Variants in RAPGEF5 observed in about 807,000 individuals in gnomAD.
RAPGEF5 encodes M-Ras-regulated GEF.
Under a neutral mutation model 125.2 loss-of-function variants are expected in RAPGEF5, and 65 were observed. That is an observed-to-expected ratio of 0.52 (90% CI 0.43 to 0.64). The LOEUF is 0.64. RAPGEF5 is among the 30% of genes least tolerant of loss of function. RAPGEF5 has a pLI of 0.00. For synonymous variants in RAPGEF5, 391 were observed against 385.9 expected, an observed-to-expected ratio of 1.01 and a Z score of -0.16; for missense variants, 958 against 1,048.1, an observed-to-expected ratio of 0.91 and a Z score of 1.19.
At chr7:22,302,934 A>C (rs1783246080) in intron 5 of RAPGEF5, among the ~76,000 whole-genome samples, 4 of 152,082 alleles carry the variant, frequency 2.6e-5, no homozygotes, top group Admixed American at 6.5e-5. Flanking sequence ...TCACAGCATA[A>C]ATGTTAACTA....
At chr7:22,125,469 T>C (rs1782708660) in intron 25 of RAPGEF5, 135 bp downstream of exon 25, 1 of 781,250 alleles carries the variant, frequency 1.3e-6, no homozygotes, top group African/African-American at 1.7e-5. Context: ...ATCTACTATA[T>C]ATATACAATA....
chr7:22,262,513 T>C (rs1733152393), intron 7 of RAPGEF5, among the ~76,000 whole-genome samples: 1 of 152,222 alleles, frequency 6.6e-6, no homozygotes, highest in Non-Finnish European at 1.5e-5. Flanking sequence ...CTGTGAAAGA[T>C]AGTTTAGCTG....
chr7:22,135,407 T>C lies in RAPGEF5; in HGVS notation c.2416+631A>G, dbSNP rs977863620. Reference sequence around the variant, plus strand: ...TTTCCTTTTATTAATCCCCTTGGTTTGAAAGAGAGATCACTGAAATCTCAT... The same window carrying C: ...TTTCCTTTTATTAATCCCCTTGGTTCGAAAGAGAGATCACTGAAATCTCAT... On this transcript the variant is annotated intron_variant, in intron 23 of 25. Transcript: ENST00000665637. 2.0e-5 allele frequency among the ~76,000 whole-genome samples: 3 copies of C among 152,212 alleles called. No individual in the cohort carries two copies. The East Asian group carries it at 5.8e-4, about 29-fold the overall frequency.
chr7:22,191,210 A>G (rs1784986135), intron 11 of RAPGEF5, among the ~76,000 whole-genome samples: 1 of 152,100 alleles, frequency 6.6e-6, no homozygotes, highest in Non-Finnish European at 1.5e-5. Context: ...TTTGCACATG[A>G]CATTTATTTT....
chr7:22,186,971 A>G (rs1439089648), intron 11 of RAPGEF5, among the ~76,000 whole-genome samples: 1 of 152,228 alleles, frequency 6.6e-6, no homozygotes, highest in African/African-American at 2.4e-5. Flanking sequence ...AGGAACTTAA[A>G]AAGTTTCCCA....
intron 7 of RAPGEF5, among the ~76,000 whole-genome samples, chr7:22,249,498 T>C (rs760288083): frequency 8.5e-5 from 13 of 152,150 alleles, no homozygotes; most frequent in Non-Finnish European, 1.8e-4. Context: ...CCTTATCCTT[T>C]AAACTAGTGC....
At chr7:22,301,086 T>C (rs1009917318) in intron 5 of RAPGEF5, among the ~76,000 whole-genome samples, 5 of 152,246 alleles carry the variant, frequency 3.3e-5, no homozygotes, top group Admixed American at 1.3e-4. Context: ...ATAATTTGCC[T>C]GCTTTTGTTT....
chr7:22,318,064 A>G, intron 1 of RAPGEF5, 27 bp from the exon 2 acceptor site: 1 of 1,514,264 alleles, frequency 6.6e-7, no homozygotes, highest in Non-Finnish European at 8.8e-7. Context: ...AAAAAAAAAT[A>G]GTTAGAACCA....
At chr7:22,245,655 C>T (rs149166874) in intron 7 of RAPGEF5, among the ~76,000 whole-genome samples, 1 of 152,186 alleles carries the variant, frequency 6.6e-6, no homozygotes, top group Non-Finnish European at 1.5e-5. Flanking sequence ...TGAATTTCCA[C>T]ATAAACTGAG....
At chr7:22,181,413 T>A (rs890730821) in intron 11 of RAPGEF5, among the ~76,000 whole-genome samples, 1 of 152,196 alleles carries the variant, frequency 6.6e-6, no homozygotes, top group Non-Finnish European at 1.5e-5. Flanking sequence ...TCCAGCCAGG[T>A]ATGCAATGGA....
chr7:22,316,645 CA>C (rs1210053502), intron 2 of RAPGEF5, among the ~76,000 whole-genome samples: 1 of 151,192 alleles, frequency 6.6e-6, no homozygotes, highest in Non-Finnish European at 1.5e-5. Flanking sequence ...CACACACCAT[CA>C]AGCCCAGCTA....
At chr7:22,138,152 G>T (rs1280770849) in intron 21 of RAPGEF5, among the ~76,000 whole-genome samples, 1 of 152,028 alleles carries the variant, frequency 6.6e-6, no homozygotes, top group Non-Finnish European at 1.5e-5. Flanking sequence ...TTAGTCTGTG[G>T]GACATCCCTC....
intron 1 of RAPGEF5, among the ~76,000 whole-genome samples, chr7:22,327,942 G>GAAC (rs1354344717): frequency 6.6e-6 from 1 of 152,192 alleles, no homozygotes; most frequent in Non-Finnish European, 1.5e-5. Context: ...AAAGAGCTTA[G>GAAC]AACAGCACCT....
chr7:22,210,770 AACAT>A (rs1320389076), intron 9 of RAPGEF5, among the ~76,000 whole-genome samples: 2 of 152,190 alleles, frequency 1.3e-5, no homozygotes, highest in African/African-American at 4.8e-5. Flanking sequence ...GCCATAAATG[AACAT>A]ACATGCCACA....
chr7:22,224,541 T>C (rs1241952346), intron 8 of RAPGEF5, among the ~76,000 whole-genome samples: 1 of 152,160 alleles, frequency 6.6e-6, no homozygotes, highest in African/African-American at 2.4e-5. Context: ...AATGCCAACC[T>C]GGAAACCTGT....
At chr7:22,170,170 TCA>T in intron 11 of RAPGEF5, among the ~76,000 whole-genome samples, 1 of 152,190 alleles carries the variant, frequency 6.6e-6, no homozygotes, top group Non-Finnish European at 1.5e-5. Context: ...TTCTTGTGCC[TCA>T]GCCTCCCAAG....
intron 9 of RAPGEF5, among the ~76,000 whole-genome samples, chr7:22,195,725 C>A (rs930631391): frequency 2.0e-4 from 30 of 151,862 alleles, no homozygotes; most frequent in African/African-American, 6.5e-4. Flanking sequence ...ACCAAAAAAA[C>A]CCCCCAAAAA....
At chr7:22,245,935 A>G (rs982291145) in intron 7 of RAPGEF5, among the ~76,000 whole-genome samples, 2 of 152,152 alleles carry the variant, frequency 1.3e-5, no homozygotes, top group Non-Finnish European at 2.9e-5. Context: ...TACACCAATA[A>G]TGTTCAGGAA....
At position 22,296,870 on chromosome 7, in the gene RAPGEF5, G is replaced by T. The variant is rs560331836; in HGVS notation, c.681-5629C>A. Reference sequence around the variant, plus strand: ...ATCCCAGGGGCCAAGTGGAAAAACTGCTTCCAGGACATGATCAATTGTGCC... The same window carrying T: ...ATCCCAGGGGCCAAGTGGAAAAACTTCTTCCAGGACATGATCAATTGTGCC... On this transcript the variant is annotated intron_variant, in intron 5 of 25. Transcript: ENST00000665637. Among the ~76,000 whole-genome samples the T allele has an allele frequency of 3.9e-5, 6 of 152,296 alleles. No homozygotes were observed. The East Asian group carries it at 1.2e-3, about 29-fold the overall frequency.
Sources: allele counts gnomAD v4.1 joint callset (sites outside exome capture counted in the v4.1 genomes callset), GRCh38; gene constraint gnomAD v4.1.1; transcripts MANE v1.5; gene names NCBI Gene and HGNC (gene_info 2026-07-23, HGNC 2026-07-21).